The following ACO2 variants were observed in gnomAD, a reference collection of about 807,000 sequenced individuals.
The protein encoded by ACO2 is aconitate hydratase, mitochondrial.
Under a neutral mutation model 84.5 loss-of-function variants are expected in ACO2, and 31 were observed. The ratio of observed to expected loss-of-function variants is 0.37; its 90% CI spans 0.28 to 0.50. The LOEUF (loss-of-function observed/expected upper bound fraction) is 0.50. ACO2 is among the 20% of genes least tolerant of loss of function. ACO2 has a pLI of 0.97. For missense variants in ACO2, 685 were observed against 1,029.3 expected (o/e 0.67, Z 4.58); for synonymous variants, 414 against 412.7 (o/e 1.00, Z -0.04).
rs2066472687 is a variant in ACO2, at chr22:41,515,920, G to A, written c.835+3G>A. 1 of 1,613,146 alleles carries A rather than the reference G, an allele frequency of 6.2e-7. No homozygotes were observed. Among genetic ancestry groups the A allele is most frequent in the Non-Finnish European group, 8.5e-7 (1 of 1,179,564 alleles). On this transcript the variant is annotated splice_donor_region_variant and intron_variant, in intron 6 of 17. Transcript: ENST00000216254. The surrounding 1 kb of genome is among the most constrained non-coding windows in gnomAD (Gnocchi z 5.8). Reference sequence around the variant, plus strand: ...TGTAGACTCCATCTCCTGCACTGGTGAGGAAGGCGGCCAGGCGACGTGGCC... The same window carrying A: ...TGTAGACTCCATCTCCTGCACTGGTAAGGAAGGCGGCCAGGCGACGTGGCC...
chr22:41,490,251 G>A (rs1233742466), intron 1 of ACO2, among the ~76,000 whole-genome samples: 4 of 152,144 alleles, frequency 2.6e-5, no homozygotes, highest in African/African-American at 7.2e-5. Context: ...GCTTAAACCC[G>A]GGAGGCGGAG....
At chr22:41,517,685 C>T in intron 7 of ACO2, 54 bp downstream of exon 7, 1 of 1,477,504 alleles carries the variant, frequency 6.8e-7, no homozygotes, top group Non-Finnish European at 9.4e-7. Context: ...GCCCGCTCCT[C>T]CCCAAGACAG....
At chr22:41,470,528 C>CTTTTTTT (rs71184811) in intron 1 of ACO2, among the ~76,000 whole-genome samples, 42 of 95,850 alleles carry the variant, frequency 4.4e-4, no homozygotes, top group South Asian at 1.2e-3. Context: ...CTCTTTACAT[C>CTTTTTTT]TTTTTTTTTT....
At chr22:41,496,646 T>C (rs914462218) in intron 1 of ACO2, among the ~76,000 whole-genome samples, 1 of 152,168 alleles carries the variant, frequency 6.6e-6, no homozygotes, top group African/African-American at 2.4e-5. Flanking sequence ...CACTACCTTC[T>C]TCCTATGCAC....
chr22:41,476,407 T>TAAA (rs760179812), intron 1 of ACO2, among the ~76,000 whole-genome samples: 1 of 113,628 alleles, frequency 8.8e-6, no homozygotes, highest in Admixed American at 9.2e-5. Context: ...AACTCTGTCT[T>TAAA]AAAAAAAAAA....
intron 1 of ACO2, among the ~76,000 whole-genome samples, chr22:41,496,770 G>A (rs2066316931): frequency 6.6e-6 from 1 of 152,310 alleles, no homozygotes; most frequent in South Asian, 2.1e-4. Flanking sequence ...GCAAATGGAT[G>A]TGAAGTCTGG....
At chr22:41,505,311 A>C (rs767886949) in intron 2 of ACO2, among the ~76,000 whole-genome samples, 4 of 152,082 alleles carry the variant, frequency 2.6e-5, no homozygotes, top group Non-Finnish European at 5.9e-5. Flanking sequence ...CCAGTTACTC[A>C]GAGGCTGAGG....
intron 16 of ACO2, 112 bp from the exon 17 acceptor site, chr22:41,527,789 T>TTGTCCCAGGCAGCAGGATTAGGGCA: frequency 1.3e-6 from 2 of 1,539,918 alleles, no homozygotes; most frequent in Non-Finnish European, 1.8e-6. Context: ...TGCCCGGGCA[T>TTGTCCCAGGCAGCAGGATTAGGGCA]TGTCCCAGGC....
rs369064868 is a variant in ACO2, at chr22:41,526,442, C to T, written c.1942C>T (p.Arg648Cys). The T allele has an allele frequency of 3.1e-6, 5 of 1,612,308 alleles. No individual in the cohort carries two copies. The highest frequency in any genetic ancestry group is 2.2e-5 in the East Asian group (1 of 44,880). Residue 648 changes from arginine (R) to cysteine (C), a missense_variant, in exon 15 of 18, where the codon CGC (arginine) becomes TGC (cysteine). Arg to Cys is a radical substitution (Grantham distance 180, BLOSUM62 -3). Around this residue, in one of 5 missense-constraint regions of ACO2, gnomAD observed 174 missense variants for 236.6 expected, o/e 0.74. Transcript: ENST00000216254. ...GTTTGGCCCCGTCCCTGACACTGCC[C>T]GCTACTACAAGGTGGGTCAGAGTTG... ...QEFGPVPDTA[R>C]YYKKHGIRWV...
At chr22:41,497,099 C>T (rs1009034612) in intron 1 of ACO2, among the ~76,000 whole-genome samples, 2 of 151,306 alleles carry the variant, frequency 1.3e-5, no homozygotes, top group African/African-American at 2.4e-5. Context: ...GACGGAGTTT[C>T]GCTCTGTCAC....
intron 2 of ACO2, among the ~76,000 whole-genome samples, chr22:41,503,936 G>T (rs545382817): frequency 3.3e-5 from 5 of 152,180 alleles, no homozygotes; most frequent in African/African-American, 1.2e-4. Context: ...TATTCTAGCC[G>T]GGTATGGTAG....
At chr22:41,469,958 C>T (rs1455686706) in intron 1 of ACO2, among the ~76,000 whole-genome samples, 1 of 152,146 alleles carries the variant, frequency 6.6e-6, no homozygotes, top group Non-Finnish European at 1.5e-5. Context: ...TGTCAGCCTG[C>T]CCTCACAGAA....
intron 1 of ACO2, among the ~76,000 whole-genome samples, chr22:41,487,889 C>T (rs2066241916): frequency 6.6e-6 from 1 of 152,080 alleles, no homozygotes; most frequent in African/African-American, 2.4e-5. Flanking sequence ...TTACTTAGGT[C>T]CAAAACCTAA....
rs751021941 is a variant in ACO2 at position 41,515,708 on chromosome 22, T to G, written c.685-59T>G. 148 of 1,610,222 alleles carry G rather than the reference T, an allele frequency of 9.2e-5. No individual in the cohort carries two copies. Among genetic ancestry groups the G allele is most frequent in the Non-Finnish European group, 1.2e-4 (138 of 1,178,428 alleles). ...TGAATGGCAGCAGGGCCATCCTGAC[T>G]TCGTGGCTGGCACAGGCACACACGG... On this transcript the variant is annotated intron_variant, in intron 5 of 17. Coordinates refer to ENST00000216254, the MANE Select transcript of ACO2 (RefSeq NM_001098.3). The surrounding 1 kb of genome is among the most constrained non-coding windows in gnomAD (Gnocchi z 5.8).
intron 1 of ACO2, among the ~76,000 whole-genome samples, chr22:41,487,051 T>C (rs1281413102): frequency 6.6e-6 from 1 of 152,034 alleles, no homozygotes; most frequent in Non-Finnish European, 1.5e-5. Flanking sequence ...GTCCGGCTAA[T>C]TTTTGTATTT....
intron 6 of ACO2, among the ~76,000 whole-genome samples, chr22:41,516,922 T>C (rs1327742841): frequency 6.6e-6 from 1 of 150,538 alleles, no homozygotes; most frequent in East Asian, 2.0e-4. Flanking sequence ...TAGAGATGGG[T>C]TTTCACCATG....
Position 41,511,930 on chromosome 22 carries a change from G to C in ACO2, c.487G>C (p.Val163Leu), listed in dbSNP as rs759920667. Residue 163 changes from valine to leucine, a missense_variant, in exon 4 of 18, where the codon GTG becomes CTG. Coordinates refer to ENST00000216254, the MANE Select transcript of ACO2 (RefSeq NM_001098.3). ...FLATAGAKYG[V>L]GFWKPGSGII... ...GGCAACTGCAGGTGCCAAATATGGC[G>C]TGGGCTTCTGGAAGCCTGGATCTGG... 6.2e-6 allele frequency: 10 copies of C among 1,611,234 alleles called. No individual in the cohort carries two copies. In the African/African-American group the frequency reaches 6.7e-5, roughly 11 times the overall value.
intron 1 of ACO2, among the ~76,000 whole-genome samples, chr22:41,487,712 C>G (rs2146092413): frequency 2.0e-5 from 3 of 152,178 alleles, no homozygotes; most frequent in Admixed American, 2.0e-4. Flanking sequence ...CAAATTAACA[C>G]AGCTCTAGAG....
In ACO2 at chr22:41,518,494, A is replaced by T. The variant is rs767214846; in HGVS notation, c.954A>T (p.Leu318=). The change falls in exon 8 of 18, where the codon CTA becomes CTT. Residue 318 remains leucine (L), a synonymous_variant. Coordinates refer to ENST00000216254, the MANE Select transcript of ACO2 (RefSeq NM_001098.3). ...SKTGREDIAN[L]ADEFKDHLVP... Reference sequence around the variant, plus strand: ...TGTTGATTTCAGACATTGCCAATCTAGCTGATGAATTCAAGGATCACTTGG... The same window carrying T: ...TGTTGATTTCAGACATTGCCAATCTTGCTGATGAATTCAAGGATCACTTGG... 2.5e-6 allele frequency: 4 copies of T among 1,613,556 alleles called. No homozygotes were observed. The Admixed American group carries it at 5.0e-5, about 20-fold the overall frequency.
Sources: gnomAD v4.1 joint callset for allele counts (sites outside exome capture counted in the v4.1 genomes callset) on GRCh38, gnomAD v4.1.1 for gene constraint, gnomAD v4.1.1 regional missense constraint, Gnocchi (gnomAD v3.1) non-coding constraint, MANE v1.5 for transcripts, NCBI Gene and HGNC (gene_info 2026-07-23, HGNC 2026-07-21) for gene names.